Variants in CHFR observed in about 807,000 individuals in gnomAD.
CHFR encodes E3 ubiquitin-protein ligase CHFR.
In CHFR, 57 loss-of-function variants were observed where a neutral mutation model predicts 87.6. That is an observed-to-expected ratio of 0.65 (90% confidence interval 0.53 to 0.81). The LOEUF (loss-of-function observed/expected upper bound fraction) is 0.81, where lower values mean the gene tolerates loss of function less well. Ranked by LOEUF, CHFR falls within the 30% of genes least tolerant of loss-of-function variation. CHFR has a pLI of 0.00. For synonymous variants in CHFR, 381 were observed against 359.2 expected (o/e 1.06, Z -0.69); for missense variants, 797 against 865.8 (o/e 0.92, Z 1.00).
At chr12:132,865,283 G>A (rs1201096315) in intron 6 of CHFR, among the ~76,000 whole-genome samples, 2 of 152,194 alleles carry the variant, frequency 1.3e-5, no homozygotes, top group Non-Finnish European at 2.9e-5. Context: ...GAACCTGGAA[G>A]ATACGATGAA....
chr12:132,884,415 C>A (rs1432783594), intron 2 of CHFR, among the ~76,000 whole-genome samples: 30 of 141,832 alleles, frequency 2.1e-4, no homozygotes, highest in Non-Finnish European at 2.4e-4. Context: ...AACTCCGTCT[C>A]AAAAAAAAAA....
chr12:132,851,515 G>T (rs1950943895), intron 12 of CHFR, 103 bp downstream of exon 12: 6 of 1,295,624 alleles, frequency 4.6e-6, no homozygotes, highest in Non-Finnish European at 5.1e-6. Context: ...AAAAGAAACG[G>T]CATCCTTACT....
chr12:132,868,132 C>G (rs957724910), intron 6 of CHFR, among the ~76,000 whole-genome samples: 4 of 152,136 alleles, frequency 2.6e-5, no homozygotes, highest in African/African-American at 9.7e-5. Flanking sequence ...GGAACAGCAT[C>G]TGCAAAACTA....
At chr12:132,869,944 C>T in intron 5 of CHFR, 146 bp from the exon 6 acceptor site, 2 of 923,820 alleles carry the variant, frequency 2.2e-6, no homozygotes, top group Middle Eastern at 2.4e-4. Context: ...CACGGTGGTG[C>T]AGGCCTGTAA....
chr12:132,841,656 T>C (rs1385405126), intron 17 of CHFR, 60 bp from the exon 18 acceptor site: 1 of 1,364,240 alleles, frequency 7.3e-7, no homozygotes, highest in Middle Eastern at 1.8e-4. Flanking sequence ...TCAAATAAAT[T>C]ACACAACAGA....
chr12:132,841,878 G>A (rs12579117), intron 17 of CHFR, among the ~76,000 whole-genome samples: 22,820 of 151,956 alleles, frequency 0.15, 2,247 homozygotes, highest in Admixed American at 0.21. Context: ...AGGCCGAGGC[G>A]GGCGGATCAC....
chr12:132,843,948 A>AG (rs1215512470), intron 16 of CHFR, 79 bp downstream of exon 16: 4 of 161,754 alleles, frequency 2.5e-5, no homozygotes, highest in Non-Finnish European at 4.0e-5. Flanking sequence ...AAACTGTCTC[A>AG]AAAAAAAAAA....
At chr12:132,858,808 GTGGTGTGCACCTGTAGT>G (rs1435958378) in intron 8 of CHFR, among the ~76,000 whole-genome samples, 1 of 141,358 alleles carries the variant, frequency 7.1e-6, no homozygotes, top group Non-Finnish European at 1.5e-5. Flanking sequence ...GCCAGGCATA[GTGGTGTGCACCTGTAGT>G]CCCAGCAACT....
chr12:132,875,810 T>C (rs1323165340), intron 3 of CHFR, among the ~76,000 whole-genome samples: 1 of 151,966 alleles, frequency 6.6e-6, no homozygotes, highest in African/African-American at 2.4e-5. Flanking sequence ...AAAGAAACTA[T>C]CCTAAGATAA....
intron 2 of CHFR, among the ~76,000 whole-genome samples, chr12:132,882,667 C>G (rs1377506989): frequency 1.3e-5 from 2 of 151,612 alleles, no homozygotes; most frequent in East Asian, 1.9e-4. Flanking sequence ...GTCGCCAGAG[C>G]CAGTTTGTAA....
intron 2 of CHFR, among the ~76,000 whole-genome samples, chr12:132,884,491 G>A (rs2137074630): frequency 6.6e-6 from 1 of 152,106 alleles, no homozygotes; most frequent in Non-Finnish European, 1.5e-5. Flanking sequence ...GGAACTGAAT[G>A]TTTGTAACTG....
chr12:132,848,572 C>A, intron 13 of CHFR, 69 bp downstream of exon 13: 1 of 1,220,608 alleles, frequency 8.2e-7, no homozygotes. Context: ...CCCACCATCC[C>A]CTGCCCTCAA....
rs1225827826 is a variant in CHFR, at chr12:132,848,110, T to C, written c.1622A>G (p.Asn541Ser). ...CTTCAGGATGTCTGACTCGTAGCTG[T>C]TGTTGTTCAGCACGCCGTCCAGACA... ...DKCLDGVLNNNSYESDILKNY... is the reference protein window; with the variant it reads ...DKCLDGVLNNSSYESDILKNY... The change falls in exon 14 of 18, where the codon AAC becomes AGC. Residue 541 changes from asparagine to serine, a missense_variant. Asn to Ser is a conservative substitution (Grantham distance 46). This residue lies in a region of CHFR where 200 missense variants were observed against 264.6 expected (regional missense o/e 0.76). Transcript: ENST00000450056. 2 of 1,613,998 alleles carry C rather than the reference T, an allele frequency of 1.2e-6. No individual in the cohort carries two copies. The highest frequency in any genetic ancestry group is 2.2e-5 in the South Asian group (2 of 91,088).
At position 132,869,630 on chromosome 12, in the gene CHFR, G is replaced by A; in HGVS notation, c.572C>T (p.Ser191Phe). Residue 191 changes from serine (S) to phenylalanine (F), a missense_variant, in exon 6 of 18, where the codon TCC becomes TTC. By Grantham distance (155) the Ser-to-Phe change is radical (BLOSUM62 -2). Coordinates refer to ENST00000450056, the MANE Select transcript of CHFR (RefSeq NM_001161346.2). ...TEPSPAGRER[S>F]SSCGSGGGGI... ...AGATGTGACCTCACCACAACTGGAGGAACGCTCTCGCCCTGCAGGAGAAGG... is the reference window on the plus strand; with the variant it reads ...AGATGTGACCTCACCACAACTGGAGAAACGCTCTCGCCCTGCAGGAGAAGG... 2 of 1,551,620 alleles carry A rather than the reference G, an allele frequency of 1.3e-6. No individual in the cohort carries two copies. The highest frequency in any genetic ancestry group is 1.7e-6 in the Non-Finnish European group (2 of 1,146,942).
intron 15 of CHFR, among the ~76,000 whole-genome samples, chr12:132,845,049 C>T (rs892869000): frequency 6.6e-6 from 1 of 150,534 alleles, no homozygotes; most frequent in Non-Finnish European, 1.5e-5. Context: ...AGGATTTGTA[C>T]ATTTGGCTAT....
In CHFR at chr12:132,882,313, C is replaced by T. The variant is rs772578551; in HGVS notation, c.134-4659G>A. 3.3e-5 allele frequency among the ~76,000 whole-genome samples: 5 copies of T among 152,124 alleles called. No homozygotes were observed. In the South Asian group the frequency reaches 1.0e-3, roughly 32 times the overall value. ...CACCCTGTGACCCTGTGTCACGACA[C>T]GCTGGAAGCAGCAGAAGGCAAAGAA... On this transcript the variant is annotated intron_variant, in intron 2 of 17. Transcript: ENST00000450056.
At position 132,839,718 on chromosome 12, in the gene CHFR, C is replaced by A; in HGVS notation, c.*1836G>T. ...AAGACTTCCCTTCTTGGCCTCACCCCTGCACAAACGTGCAAACTCCCCTTT... is the reference window on the plus strand; with the variant it reads ...AAGACTTCCCTTCTTGGCCTCACCCATGCACAAACGTGCAAACTCCCCTTT... On this transcript the variant is annotated 3_prime_UTR_variant, in exon 18 of 18. Transcript: ENST00000450056. 5.9e-6 allele frequency: 1 copy of A among 170,554 alleles called. No homozygotes were observed. The highest frequency in any genetic ancestry group is 1.0e-4 in the South Asian group (1 of 10,034). The allele number at this position is 170,554 out of a possible 1,614,324, so 10.6% of individuals were successfully genotyped here.
At chr12:132,887,120 C>G (rs1951914295) in intron 2 of CHFR, 76 bp downstream of exon 2, 1 of 1,284,542 alleles carries the variant, frequency 7.8e-7, no homozygotes, top group Non-Finnish European at 1.0e-6. Context: ...CACACTGCAC[C>G]GCCGCCCGTG....
At position 132,872,354 on chromosome 12, in the gene CHFR, T is replaced by G. The variant is rs753427887; in HGVS notation, c.274A>C (p.Lys92Gln). 2.5e-6 allele frequency: 4 copies of G among 1,613,716 alleles called. No homozygotes were observed. In the South Asian group the frequency reaches 4.4e-5, roughly 18 times the overall value. ...TVINKLKVVK[K>Q]QTCPLQTGDV... ...CCAGTCTGTAAAGGGCATGTCTGCT[T>G]CTTAACAACCTTCAGCTTGTTAATC... is the stretch of plus-strand genomic sequence containing the variant. The change falls in exon 4 of 18, where the codon AAG becomes CAG. Residue 92 changes from lysine (K) to glutamine (Q), a missense_variant. Physicochemically the swap from Lys to Gln is moderately conservative, Grantham distance 53 (BLOSUM62 1). This residue lies in a region of CHFR where 597 missense variants were observed against 601.2 expected (regional missense o/e 0.99). Transcript: ENST00000450056.
Sources: allele counts gnomAD v4.1 joint callset (sites outside exome capture counted in the v4.1 genomes callset), GRCh38; gene constraint gnomAD v4.1.1; regional missense constraint gnomAD v4.1.1; transcripts MANE v1.5; gene names NCBI Gene and HGNC (gene_info 2026-07-23, HGNC 2026-07-21).